Variants in PAPPA2 observed in about 807,000 individuals in gnomAD.
PAPPA2 encodes pappalysin 2.
In PAPPA2, 86 loss-of-function variants were observed where a neutral mutation model predicts 176.4. That is an observed-to-expected ratio of 0.49 (90% confidence interval 0.41 to 0.58). The LOEUF is 0.58. Among genes scored for constraint, PAPPA2 ranks in the 20% least tolerant of loss-of-function variants. The probability of loss-of-function intolerance (pLI) is 0.00; values close to 1 mark genes in which losing one functional copy is unlikely to be tolerated. For synonymous variants in PAPPA2, 809 were observed against 852.2 expected (o/e 0.95, Z 0.88); for missense variants, 2,073 against 2,256.9 (o/e 0.92, Z 1.65).
chr1:176,480,335 C>T (rs966831758), intron 1 of PAPPA2, among the ~76,000 whole-genome samples: 2 of 152,172 alleles, frequency 1.3e-5, no homozygotes, highest in African/African-American at 4.8e-5. Flanking sequence ...GGGAGAGGGC[C>T]GCTCCATGGC....
rs1355345805 is a variant in PAPPA2, at chr1:176,706,327, T to G, written c.3366-32T>G. 9 of 1,526,486 alleles carry G rather than the reference T, an allele frequency of 5.9e-6. No homozygotes were observed. In the Admixed American group the frequency reaches 8.5e-5, roughly 14 times the overall value. 94.6% of individuals were successfully genotyped at this position (1,526,486 alleles called of 1,614,324 possible). On this transcript the variant is annotated intron_variant, in intron 9 of 22. Coordinates refer to ENST00000367662, the MANE Select transcript of PAPPA2 (RefSeq NM_020318.3). Reference sequence around the variant, plus strand: ...CTAAACAAGAAAATTTGTGTGTATGTGTTATATATGCATATATATTTTACC... The same window carrying G: ...CTAAACAAGAAAATTTGTGTGTATGGGTTATATATGCATATATATTTTACC...
intron 1 of PAPPA2, among the ~76,000 whole-genome samples, chr1:176,469,194 GA>G (rs1402777778): frequency 6.6e-6 from 1 of 152,206 alleles, no homozygotes; most frequent in African/African-American, 2.4e-5. Flanking sequence ...TTTTGTGTAA[GA>G]AAATACTTTT....
rs151173535 is a variant in PAPPA2 at position 176,492,170 on chromosome 1, A to C, written c.-917+28752A>C. 5.8e-3 allele frequency among the ~76,000 whole-genome samples: 885 copies of C among 152,310 alleles called. 4 individuals carry two copies. Among genetic ancestry groups the C allele is most frequent in the Admixed American group, 9.9e-3 (152 of 15,288 alleles). ...TGGTGCTCACAGAGCATGGGTGCAG[A>C]GAGCCCAGTGCTGTATGTCTCCCTT... On this transcript the variant is annotated intron_variant, in intron 1 of 22. Coordinates refer to ENST00000367662, the MANE Select transcript of PAPPA2 (RefSeq NM_020318.3).
chr1:176,513,532 A>T (rs1311358724), intron 1 of PAPPA2, among the ~76,000 whole-genome samples: 2 of 152,170 alleles, frequency 1.3e-5, no homozygotes, highest in Non-Finnish European at 1.5e-5. Flanking sequence ...GAGAAGAGAA[A>T]GCACAGCACG....
intron 18 of PAPPA2, 128 bp downstream of exon 18, chr1:176,790,105 G>A: frequency 9.2e-7 from 1 of 1,084,200 alleles, no homozygotes; most frequent in Non-Finnish European, 1.3e-6. Context: ...CTAATCGGGA[G>A]TGTTGGTATT....
intron 1 of PAPPA2, among the ~76,000 whole-genome samples, chr1:176,534,384 T>A (rs1289643136): frequency 2.0e-5 from 3 of 152,196 alleles, no homozygotes; most frequent in African/African-American, 7.2e-5. Flanking sequence ...TCTCTCAGTA[T>A]CCATGATCCC....
intron 3 of PAPPA2, among the ~76,000 whole-genome samples, chr1:176,600,312 G>T (rs1321250060): frequency 6.6e-6 from 1 of 152,110 alleles, no homozygotes; most frequent in African/African-American, 2.4e-5. Flanking sequence ...TTTCCATGAG[G>T]TCCTGTGACT....
At chr1:176,472,540 T>G (rs1342617899) in intron 1 of PAPPA2, among the ~76,000 whole-genome samples, 1 of 152,152 alleles carries the variant, frequency 6.6e-6, no homozygotes, top group Non-Finnish European at 1.5e-5. Flanking sequence ...AATCCCTGGT[T>G]TCTTTTAATG....
At chr1:176,543,138 G>C (rs549710325) in intron 1 of PAPPA2, among the ~76,000 whole-genome samples, 14 of 152,094 alleles carry the variant, frequency 9.2e-5, no homozygotes, top group Non-Finnish European at 2.1e-4. Context: ...ATCAGTGTTG[G>C]CTTCTTCACG....
chr1:176,613,324 C>T (rs1204455999), intron 3 of PAPPA2, among the ~76,000 whole-genome samples: 2 of 152,208 alleles, frequency 1.3e-5, no homozygotes, highest in African/African-American at 4.8e-5. Flanking sequence ...TTCAGAGTTA[C>T]AGAACTTCAC....
At chr1:176,550,221 C>A (rs1407990635) in intron 1 of PAPPA2, among the ~76,000 whole-genome samples, 1 of 152,190 alleles carries the variant, frequency 6.6e-6, no homozygotes, top group Non-Finnish European at 1.5e-5. Context: ...GCCTCAGTGT[C>A]CTCATCTGTA....
At chr1:176,806,917 T>C (rs1665932330) in intron 21 of PAPPA2, among the ~76,000 whole-genome samples, 2 of 152,186 alleles carry the variant, frequency 1.3e-5, no homozygotes, top group Admixed American at 1.3e-4. Context: ...TTGGTTAGCC[T>C]CAACTTCTTA....
chr1:176,666,554 A>AAT (rs1227611501), intron 3 of PAPPA2, among the ~76,000 whole-genome samples: 7 of 133,434 alleles, frequency 5.2e-5, no homozygotes, highest in African/African-American at 2.0e-4. Flanking sequence ...TAAGGAAGTA[A>AAT]ATATATATGT....
chr1:176,575,835 C>T (rs1292894954), intron 2 of PAPPA2, among the ~76,000 whole-genome samples: 1 of 152,216 alleles, frequency 6.6e-6, no homozygotes, highest in East Asian at 1.9e-4. Flanking sequence ...TAAATCTGTA[C>T]TTAGGAAATT....
In PAPPA2 at chr1:176,555,595, C is replaced by T. The variant is rs1309208663; in HGVS notation, c.-728C>T. On this transcript the variant is annotated 5_prime_UTR_variant, in exon 2 of 23. Coordinates refer to ENST00000367662, the MANE Select transcript of PAPPA2 (RefSeq NM_020318.3). ...ACTGAAGGAAACATTCTAACCTTCACAGACAGACTGGAGGCTGGATGGGGA... is the reference window on the plus strand; with the variant it reads ...ACTGAAGGAAACATTCTAACCTTCATAGACAGACTGGAGGCTGGATGGGGA... 6.6e-6 allele frequency: 1 copy of T among 152,256 alleles called. No homozygotes were observed. Among genetic ancestry groups the T allele is most frequent in the Non-Finnish European group, 1.5e-5 (1 of 68,080 alleles). The allele number at this position is 152,256 out of a possible 1,614,324, so 9.4% of individuals were successfully genotyped here.
chr1:176,535,397 A>AT (rs1310984583), intron 1 of PAPPA2, among the ~76,000 whole-genome samples: 1 of 152,162 alleles, frequency 6.6e-6, no homozygotes, highest in Non-Finnish European at 1.5e-5. Flanking sequence ...GGAATTCGAC[A>AT]TTTTCTACCA....
intron 12 of PAPPA2, among the ~76,000 whole-genome samples, chr1:176,718,896 A>G (rs1394046591): frequency 2.0e-5 from 3 of 151,948 alleles, no homozygotes; most frequent in African/African-American, 7.2e-5. Flanking sequence ...TTAAAATGTC[A>G]TGTTTGTCCA....
At chr1:176,696,474 A>C (rs1558526254) in intron 7 of PAPPA2, among the ~76,000 whole-genome samples, 2 of 152,220 alleles carry the variant, frequency 1.3e-5, no homozygotes, top group East Asian at 3.9e-4. Flanking sequence ...GCTAGGCTCC[A>C]GGAAGGGGAA....
In PAPPA2 at chr1:176,489,866, C is replaced by A. The variant is rs544946529; in HGVS notation, c.-917+26448C>A. 4.6e-3 allele frequency among the ~76,000 whole-genome samples: 698 copies of A among 152,290 alleles called. 2 individuals carry two copies. Among genetic ancestry groups the A allele is most frequent in the Non-Finnish European group, 8.0e-3 (543 of 68,022 alleles). ...ATCATTAATTCCTTAAAAGCAAGGA[C>A]TGATGCTCATTCAGCTATTTATCTC... On this transcript the variant is annotated intron_variant, in intron 1 of 22. Coordinates refer to ENST00000367662, the MANE Select transcript of PAPPA2 (RefSeq NM_020318.3).
Sources: allele counts gnomAD v4.1 joint callset (sites outside exome capture counted in the v4.1 genomes callset), GRCh38; gene constraint gnomAD v4.1.1; transcripts MANE v1.5; gene names NCBI Gene and HGNC (gene_info 2026-07-23, HGNC 2026-07-21).